TAFA5: variants seen among roughly 807,000 people sequenced by gnomAD.
The protein encoded by TAFA5 is TAFA chemokine like family member 5.
Under a neutral mutation model 15.3 loss-of-function variants are expected in TAFA5, and 6 were observed. That is an observed-to-expected ratio of 0.39 (90% CI 0.21 to 0.77). The LOEUF (loss-of-function observed/expected upper bound fraction) is 0.77. Among genes scored for constraint, TAFA5 ranks in the 30% least tolerant of loss-of-function variants. The pLI is 0.41. For synonymous variants in TAFA5, 103 were observed against 80.7 expected (o/e 1.28, Z -1.48); for missense variants, 161 against 193.1 (o/e 0.83, Z 0.98).
chr22:48,660,951 G>A (rs985047971), intron 2 of TAFA5, among the ~76,000 whole-genome samples: 16 of 135,306 alleles, frequency 1.2e-4, no homozygotes, highest in African/African-American at 4.4e-4. Context: ...AGTTAGGGTC[G>A]TGTCTCTTCG....
chr22:48,652,803 G>C (rs980424674), intron 2 of TAFA5, among the ~76,000 whole-genome samples: 35 of 52,884 alleles, frequency 6.6e-4, no homozygotes, highest in Non-Finnish European at 6.8e-4. Context: ...TGCCTCAGGA[G>C]GCACCCTCTC....
intron 3 of TAFA5, among the ~76,000 whole-genome samples, chr22:48,722,547 G>A (rs130185): frequency 0.31 from 46,582 of 151,820 alleles, 8,233 homozygotes; most frequent in Non-Finnish European, 0.41. Context: ...TCACACACTG[G>A]GGCCTGTCGG....
chr22:48,638,850 G>C (rs935296546), intron 1 of TAFA5, among the ~76,000 whole-genome samples: 1 of 141,344 alleles, frequency 7.1e-6, no homozygotes, highest in Non-Finnish European at 1.5e-5. Context: ...CACACAGGCG[G>C]GACCCCGACA....
In TAFA5 at chr22:48,679,682, G is replaced by A. The variant is rs112529353; in HGVS notation, c.263-28035G>A. ...CCGTCCATCCCTCTCCCGTCTCCCC[G>A]TCCATCCCTCTCCCGTCTCCCCGTC... On this transcript the variant is annotated intron_variant, in intron 2 of 3. Transcript: ENST00000402357. Among the ~76,000 whole-genome samples, 1,099 of 114,694 alleles carry A rather than the reference G, an allele frequency of 9.6e-3. 62 individuals are homozygous for A. The highest frequency in any genetic ancestry group is 0.039 in the African/African-American group (1,021 of 25,852). 75.2% of individuals were successfully genotyped at this position (114,694 alleles called of 152,430 possible).
intron 3 of TAFA5, among the ~76,000 whole-genome samples, chr22:48,737,658 G>A (rs779313206): frequency 1.4e-4 from 21 of 152,324 alleles, no homozygotes; most frequent in Non-Finnish European, 2.1e-4. Context: ...TCCTTCACAC[G>A]CCCTTCGATG....
At chr22:48,665,408 C>T (rs930479452) in intron 2 of TAFA5, among the ~76,000 whole-genome samples, 1 of 152,166 alleles carries the variant, frequency 6.6e-6, no homozygotes, top group African/African-American at 2.4e-5. Flanking sequence ...ATTGATTCAT[C>T]TTTTCCCTTC....
At position 48,576,540 on chromosome 22, in the gene TAFA5, C is replaced by G; in HGVS notation, c.113-70057C>G. The stretch of plus-strand genomic sequence containing the variant: ...GGGCCGCGCTCTGCTGCTTCCTCGT[C>G]CTAGTGATCCACGCGCAGTTCCTCA... On this transcript the variant is annotated intron_variant, in intron 1 of 3. Coordinates refer to ENST00000402357, the MANE Select transcript of TAFA5 (RefSeq NM_001082967.3). The G allele has an allele frequency of 2.0e-6, 3 of 1,518,086 alleles. No individual in the cohort carries two copies. The South Asian group carries it at 3.7e-5, about 19-fold the overall frequency. 94.0% of individuals were successfully genotyped at this position (1,518,086 alleles called of 1,614,324 possible).
At chr22:48,562,640 G>A (rs927369158) in intron 1 of TAFA5, among the ~76,000 whole-genome samples, 1 of 152,144 alleles carries the variant, frequency 6.6e-6, no homozygotes, top group Non-Finnish European at 1.5e-5. Context: ...AGCCTCCAAG[G>A]CCCTCGGGAC....
At chr22:48,708,470 G>C (rs6010485) in intron 3 of TAFA5, among the ~76,000 whole-genome samples, 1 of 152,222 alleles carries the variant, frequency 6.6e-6, no homozygotes, top group Non-Finnish European at 1.5e-5. Context: ...GGAACGCCGG[G>C]TGGACATGGG....
At chr22:48,546,023 G>A (rs933998642) in intron 1 of TAFA5, among the ~76,000 whole-genome samples, 6 of 152,328 alleles carry the variant, frequency 3.9e-5, no homozygotes, top group Admixed American at 2.6e-4. Flanking sequence ...CAGGCCCGTC[G>A]CTGGGCGGGA....
intron 3 of TAFA5, among the ~76,000 whole-genome samples, chr22:48,732,328 G>A (rs187369014): frequency 6.6e-6 from 1 of 152,152 alleles, no homozygotes; most frequent in African/African-American, 2.4e-5. Context: ...TCGGCTCACT[G>A]GAACTGCAAG....
chr22:48,551,963 G>T (rs1019201678), intron 1 of TAFA5, among the ~76,000 whole-genome samples: 1 of 152,240 alleles, frequency 6.6e-6, no homozygotes, highest in African/African-American at 2.4e-5. Context: ...GTGGAAAACT[G>T]ATTGAGAGCA....
At chr22:48,578,196 G>A (rs1264895054) in intron 1 of TAFA5, among the ~76,000 whole-genome samples, 1 of 152,226 alleles carries the variant, frequency 6.6e-6, no homozygotes, top group Admixed American at 6.5e-5. Flanking sequence ...TTTCTCTGAG[G>A]TCCAGGTGCC....
chr22:48,608,789 A>G (rs932110413), intron 1 of TAFA5, among the ~76,000 whole-genome samples: 1 of 152,156 alleles, frequency 6.6e-6, no homozygotes, highest in Admixed American at 6.5e-5. Context: ...GCTTGAAGCC[A>G]CAGCTCCAGG....
intron 3 of TAFA5, among the ~76,000 whole-genome samples, chr22:48,726,816 C>T (rs1362246320): frequency 1.3e-5 from 2 of 152,228 alleles, no homozygotes; most frequent in Non-Finnish European, 2.9e-5. Flanking sequence ...CAAGCAGGCT[C>T]CACCTGGCAC....
Position 48,566,318 on chromosome 22 carries a change from T to C in TAFA5, c.112+76614T>C, listed in dbSNP as rs980570069. 4.1e-4 allele frequency among the ~76,000 whole-genome samples: 61 copies of C among 150,548 alleles called. No homozygotes were observed. The highest frequency in any genetic ancestry group is 6.2e-4 in the Non-Finnish European group (42 of 67,672). On this transcript the variant is annotated intron_variant, in intron 1 of 3. Coordinates refer to ENST00000402357, the MANE Select transcript of TAFA5 (RefSeq NM_001082967.3). The surrounding 1 kb of genome is among the most constrained non-coding windows in gnomAD (Gnocchi z 4.5). Reference sequence around the variant, plus strand: ...GATGGATGGATGATGGATAGATGGATGGATGGACGATGGGTGGATGATGAA... The same window carrying C: ...GATGGATGGATGATGGATAGATGGACGGATGGACGATGGGTGGATGATGAA...
rs562619544 is a variant in TAFA5 at position 48,621,312 on chromosome 22, A to G, written c.113-25285A>G. 2.7e-5 allele frequency among the ~76,000 whole-genome samples: 4 copies of G among 146,394 alleles called. 1 individual carries two copies. Among genetic ancestry groups the G allele is most frequent in the East Asian group, 2.1e-4 (1 of 4,738 alleles). The stretch of plus-strand genomic sequence containing the variant: ...CATCCATTTATCCATCCTTCCATCC[A>G]TGCACCCACCCATCCATCATCCATC... On this transcript the variant is annotated intron_variant, in intron 1 of 3. Coordinates refer to ENST00000402357, the MANE Select transcript of TAFA5 (RefSeq NM_001082967.3).
intron 3 of TAFA5, among the ~76,000 whole-genome samples, chr22:48,725,128 A>G (rs1272474538): frequency 6.6e-6 from 1 of 152,264 alleles, no homozygotes; most frequent in Non-Finnish European, 1.5e-5. Context: ...CCTGTCGGGC[A>G]TCCTGTGAAG....
intron 1 of TAFA5, among the ~76,000 whole-genome samples, chr22:48,561,933 G>A (rs961584766): frequency 2.0e-5 from 3 of 152,122 alleles, no homozygotes; most frequent in Non-Finnish European, 4.4e-5. Flanking sequence ...GCGGTGGCTC[G>A]GCTCATGGCC....
Sources: allele counts gnomAD v4.1 joint callset (sites outside exome capture counted in the v4.1 genomes callset), GRCh38; gene constraint gnomAD v4.1.1; non-coding constraint Gnocchi (gnomAD v3.1); transcripts MANE v1.5; gene names NCBI Gene and HGNC (gene_info 2026-07-23, HGNC 2026-07-21).